Variants in NRXN1 observed in about 807,000 individuals in gnomAD.
The protein encoded by NRXN1 is neurexin 1, also known as neurexin-1.
A neutral mutation model predicts 150.9 loss-of-function variants in NRXN1; 39 were observed. The observed-to-expected ratio is 0.26, with a 90% CI of 0.20 to 0.34. The LOEUF (loss-of-function observed/expected upper bound fraction) is 0.34. Ranked by LOEUF, NRXN1 falls within the 10% of genes least tolerant of loss-of-function variation. The pLI, the probability that NRXN1 is intolerant of heterozygous loss-of-function variation, is 1.00. For missense variants in NRXN1, 1,815 were observed against 1,949.9 expected, an observed-to-expected ratio of 0.93 and a Z score of 1.30; for synonymous variants, 924 against 757.0, an observed-to-expected ratio of 1.22 and a Z score of -3.62.
At chr2:50,516,154 T>A (rs571379449) in intron 12 of NRXN1, among the ~76,000 whole-genome samples, 1 of 152,300 alleles carries the variant, frequency 6.6e-6, no homozygotes, top group East Asian at 1.9e-4. Flanking sequence ...CACTTCTAAA[T>A]TTTCCTTTTT....
intron 17 of NRXN1, among the ~76,000 whole-genome samples, chr2:50,386,461 T>C (rs1311529644): frequency 4.6e-5 from 7 of 151,860 alleles, no homozygotes; most frequent in Non-Finnish European, 1.0e-4. Context: ...CTTACAGAAG[T>C]AGGAATTGAG....
At chr2:50,984,216 C>A (rs1011047602) in intron 2 of NRXN1, among the ~76,000 whole-genome samples, 1 of 143,610 alleles carries the variant, frequency 7.0e-6, no homozygotes, top group Non-Finnish European at 1.5e-5. Flanking sequence ...AACTCCTGAC[C>A]TCAGGTGATC....
intron 9 of NRXN1, among the ~76,000 whole-genome samples, chr2:50,550,095 G>T (rs1452822792): frequency 6.6e-6 from 1 of 151,898 alleles, no homozygotes; most frequent in Non-Finnish European, 1.5e-5. Flanking sequence ...TGAATTAATC[G>T]TGTATTACAT....
intron 13 of NRXN1, among the ~76,000 whole-genome samples, chr2:50,498,178 A>G (rs140195635): frequency 6.6e-6 from 1 of 152,108 alleles, no homozygotes; most frequent in South Asian, 2.1e-4. Flanking sequence ...CCAGGAAAAA[A>G]AAATGTGACT....
At chr2:50,442,373 T>C (rs1438240217) in intron 17 of NRXN1, among the ~76,000 whole-genome samples, 1 of 152,186 alleles carries the variant, frequency 6.6e-6, no homozygotes, top group East Asian at 1.9e-4. Flanking sequence ...ATGCCACACA[T>C]ATCCTTAAAT....
intron 3 of NRXN1, chr2:50,923,342 G>A (rs368889222): frequency 8.0e-6 from 2 of 248,744 alleles, no homozygotes; most frequent in East Asian, 9.6e-5. Context: ...ATACACTAAA[G>A]CAATTTTCCT....
chr2:49,943,786 T>C lies in NRXN1; in HGVS notation c.4134A>G (p.Thr1378=). The C allele has an allele frequency of 6.2e-7, 1 of 1,609,212 alleles. No homozygotes were observed. Among genetic ancestry groups the C allele is most frequent in the Non-Finnish European group, 8.5e-7 (1 of 1,177,032 alleles). Residue 1378 remains threonine (T), a synonymous_variant, in exon 22 of 23, where the codon ACA becomes ACG. Transcript: ENST00000401669. The part of the protein sequence containing the change: ...PPTKEPISQT[T]DDILVASAEC... ...CTGCTGAGGCCACAAGGATGTCATCTGTGGTCTGCAAAAGAATCACATTCA... is the reference window on the plus strand; with the variant it reads ...CTGCTGAGGCCACAAGGATGTCATCCGTGGTCTGCAAAAGAATCACATTCA...
chr2:50,218,901 T>G (rs925668815), intron 18 of NRXN1, among the ~76,000 whole-genome samples: 1 of 152,042 alleles, frequency 6.6e-6, no homozygotes, highest in African/African-American at 2.4e-5. Context: ...CCAAAAATAT[T>G]CACTTTTATT....
At chr2:50,209,354 T>G (rs753481492) in intron 18 of NRXN1, among the ~76,000 whole-genome samples, 1 of 152,130 alleles carries the variant, frequency 6.6e-6, no homozygotes, top group Non-Finnish European at 1.5e-5. Flanking sequence ...CAGTTACCAT[T>G]TATGCAATAC....
intron 2 of NRXN1, among the ~76,000 whole-genome samples, chr2:50,981,821 G>GTA (rs1696865049): frequency 2.5e-5 from 1 of 40,182 alleles, no homozygotes; most frequent in African/African-American, 1.2e-4. Context: ...AATAAACAAT[G>GTA]TGTGTGTGTG....
chr2:50,890,790 T>C (rs1680929538), intron 5 of NRXN1, among the ~76,000 whole-genome samples: 1 of 151,968 alleles, frequency 6.6e-6, no homozygotes, highest in Non-Finnish European at 1.5e-5. Context: ...AATTACTTCA[T>C]TCTGAACTGA....
chr2:50,649,243 TAC>T (rs1685237315), intron 5 of NRXN1, among the ~76,000 whole-genome samples: 2 of 91,418 alleles, frequency 2.2e-5, no homozygotes, highest in South Asian at 8.8e-4. Flanking sequence ...CAAGCATGTA[TAC>T]ACACATACAC....
At chr2:50,378,245 C>A (rs531323035) in intron 17 of NRXN1, among the ~76,000 whole-genome samples, 2 of 152,136 alleles carry the variant, frequency 1.3e-5, no homozygotes, top group African/African-American at 4.8e-5. Context: ...GTTTACATAG[C>A]AACTCCATGA....
chr2:50,229,580 T>C (rs192944790), intron 18 of NRXN1, among the ~76,000 whole-genome samples: 1 of 152,096 alleles, frequency 6.6e-6, no homozygotes, highest in Non-Finnish European at 1.5e-5. Context: ...GGTAAACATA[T>C]TGGATATGTT....
chr2:50,520,915 G>GA (rs2092770719), intron 12 of NRXN1, among the ~76,000 whole-genome samples: 1 of 151,922 alleles, frequency 6.6e-6, no homozygotes, highest in African/African-American at 2.4e-5. Context: ...TATAATTCAT[G>GA]AAAAATCTGT....
chr2:50,584,271 A>T (rs375901327), intron 8 of NRXN1, among the ~76,000 whole-genome samples: 2 of 152,168 alleles, frequency 1.3e-5, no homozygotes, highest in African/African-American at 4.8e-5. Flanking sequence ...TATCCCTTCA[A>T]CTCAATATGC....
At chr2:50,107,855 ATAAT>A (rs1701891511) in intron 18 of NRXN1, among the ~76,000 whole-genome samples, 2 of 152,064 alleles carry the variant, frequency 1.3e-5, no homozygotes, top group South Asian at 4.1e-4. Context: ...TATTTGGCTC[ATAAT>A]GGTCACAAAA....
intron 5 of NRXN1, among the ~76,000 whole-genome samples, chr2:50,680,004 C>A (rs946483676): frequency 1.3e-5 from 2 of 150,868 alleles, no homozygotes; most frequent in East Asian, 2.0e-4. Flanking sequence ...TAGTGGTGTG[C>A]GCCTGTAGTC....
intron 8 of NRXN1, among the ~76,000 whole-genome samples, chr2:50,563,202 A>C (rs1669362397): frequency 2.0e-5 from 3 of 152,358 alleles, no homozygotes; most frequent in South Asian, 4.1e-4. Context: ...AATTTACTTA[A>C]GGGGACTTTA....
Sources: allele counts gnomAD v4.1 joint callset (sites outside exome capture counted in the v4.1 genomes callset), GRCh38; gene constraint gnomAD v4.1.1; transcripts MANE v1.5; gene names NCBI Gene and HGNC (gene_info 2026-07-23, HGNC 2026-07-21).